The following TRPM3 variants were observed in gnomAD, a reference collection of about 807,000 sequenced individuals.
The protein encoded by TRPM3 is transient receptor potential cation channel subfamily M member 3.
In TRPM3, 77 loss-of-function variants were observed where a neutral mutation model predicts 181.2. The observed-to-expected ratio is 0.42, with a 90% CI of 0.35 to 0.51. The LOEUF is 0.51. Among genes scored for constraint, TRPM3 ranks in the 20% least tolerant of loss-of-function variants. TRPM3 has a pLI of 0.01. For synonymous variants in TRPM3, 745 were observed against 796.4 expected (o/e 0.94, Z 1.09); for missense variants, 1,759 against 2,196.7 (o/e 0.80, Z 3.98).
At chr9:70,585,275 C>A (rs2056872283) in intron 22 of TRPM3, among the ~76,000 whole-genome samples, 1 of 152,160 alleles carries the variant, frequency 6.6e-6, no homozygotes, top group Non-Finnish European at 1.5e-5. Flanking sequence ...CCCAGTTGGA[C>A]TTTTCTCTTG....
At chr9:71,343,960 A>G (rs1485065535) in intron 1 of TRPM3, among the ~76,000 whole-genome samples, 1 of 152,200 alleles carries the variant, frequency 6.6e-6, no homozygotes, top group Non-Finnish European at 1.5e-5. Context: ...GAGTATCAAA[A>G]TAAATGATAA....
chr9:70,592,416 C>T lies in TRPM3; in HGVS notation c.3049-1211G>A, dbSNP rs781320781. ...TATTTGTATCTGACGCTGAGTTCTC[C>T]GCCAGTGAAACTGATCAGAGTAAAT... On this transcript the variant is annotated intron_variant, in intron 21 of 25. Transcript: ENST00000677713. Among the ~76,000 whole-genome samples the T allele has an allele frequency of 3.9e-5, 6 of 152,252 alleles. No homozygotes were observed. The East Asian group carries it at 5.8e-4, about 15-fold the overall frequency.
At chr9:70,825,115 G>A (rs1206988156) in intron 6 of TRPM3, 2 of 152,112 alleles carry the variant, frequency 1.3e-5, no homozygotes, top group Non-Finnish European at 2.9e-5. Flanking sequence ...ATCTCAGTTT[G>A]CCCAGACTGA....
chr9:71,157,055 C>G (rs1193223767), intron 1 of TRPM3, among the ~76,000 whole-genome samples: 2 of 152,116 alleles, frequency 1.3e-5, no homozygotes, highest in African/African-American at 2.4e-5. Flanking sequence ...TGCCTCCTTC[C>G]CACACACATG....
intron 1 of TRPM3, among the ~76,000 whole-genome samples, chr9:71,163,181 T>C: frequency 6.6e-6 from 1 of 152,174 alleles, no homozygotes; most frequent in East Asian, 1.9e-4. Context: ...TGGAAGCTTT[T>C]TCCAAGGTCA....
chr9:70,906,168 C>A (rs1298689332), intron 1 of TRPM3, among the ~76,000 whole-genome samples: 1 of 151,656 alleles, frequency 6.6e-6, no homozygotes, highest in African/African-American at 2.4e-5. Context: ...ATTTTTATTT[C>A]TTTTATAAAT....
intron 1 of TRPM3, among the ~76,000 whole-genome samples, chr9:71,295,356 A>C (rs960791776): frequency 3.3e-5 from 5 of 151,516 alleles, no homozygotes; most frequent in Non-Finnish European, 7.4e-5. Flanking sequence ...CCGAATGTTG[A>C]ATATTAGAAG....
In TRPM3 at chr9:70,968,978, AG is replaced by A. The variant is rs892124047; in HGVS notation, c.178-104468del. ...CAAAGACTTCATGTCTAAAACACTAAGAGCAATGGCAACAAAAGCCAAAATT... is the reference window on the plus strand; with the variant it reads ...CAAAGACTTCATGTCTAAAACACTAAAGCAATGGCAACAAAAGCCAAAATT... On this transcript the variant is annotated intron_variant, in intron 1 of 25. Transcript: ENST00000677713. Among the ~76,000 whole-genome samples, 57 of 152,300 alleles carry A rather than the reference AG, an allele frequency of 3.7e-4. 1 individual carries two copies. Among genetic ancestry groups the A allele is most frequent in the African/African-American group, 1.2e-3 (50 of 41,576 alleles).
chr9:71,331,901 A>AGAGGAGAGG (rs2090206154), intron 1 of TRPM3, among the ~76,000 whole-genome samples: 3 of 5,170 alleles, frequency 5.8e-4, no homozygotes, highest in Non-Finnish European at 9.4e-4. Context: ...GGGAGGAAGA[A>AGAGGAGAGG]GAGGAGGAAG....
intron 1 of TRPM3, among the ~76,000 whole-genome samples, chr9:71,206,378 C>T (rs774207152): frequency 8.5e-5 from 13 of 152,110 alleles, no homozygotes; most frequent in Admixed American, 7.9e-4. Flanking sequence ...TGTTTGTTGG[C>T]CACATAAAAG....
At position 70,598,686 on chromosome 9, in the gene TRPM3, G is replaced by A; in HGVS notation, c.2797-16C>T. The stretch of plus-strand genomic sequence containing the variant: ...ACATCAGAATCTATAAGGCAGGAAG[G>A]AGAGCAGAGTTAGGTCTGGTTTCTG... On this transcript the variant is annotated splice_polypyrimidine_tract_variant and intron_variant, in intron 20 of 25. Coordinates refer to ENST00000677713, the MANE Select transcript of TRPM3 (RefSeq NM_001366145.2). 2 of 1,610,550 alleles carry A rather than the reference G, an allele frequency of 1.2e-6. No individual in the cohort carries two copies. Among genetic ancestry groups the A allele is most frequent in the Non-Finnish European group, 1.7e-6 (2 of 1,177,244 alleles).
intron 1 of TRPM3, among the ~76,000 whole-genome samples, chr9:70,970,568 G>T (rs1042297217): frequency 2.0e-5 from 3 of 152,080 alleles, no homozygotes; most frequent in African/African-American, 7.2e-5. Flanking sequence ...CCTCTCTGTG[G>T]TGGTTTCTTT....
intron 1 of TRPM3, among the ~76,000 whole-genome samples, chr9:70,882,964 A>T (rs2096019953): frequency 1.3e-5 from 2 of 152,160 alleles, no homozygotes; most frequent in African/African-American, 4.8e-5. Context: ...TACAATTTAA[A>T]CCATGGAAAC....
At chr9:71,141,640 T>C (rs2075105146) in intron 1 of TRPM3, among the ~76,000 whole-genome samples, 1 of 152,214 alleles carries the variant, frequency 6.6e-6, no homozygotes, top group African/African-American at 2.4e-5. Context: ...GTTGTCAGAA[T>C]CTGCAACAAT....
chr9:70,637,579 C>A (rs914910365), intron 11 of TRPM3, among the ~76,000 whole-genome samples: 1 of 151,932 alleles, frequency 6.6e-6, no homozygotes, highest in Admixed American at 6.6e-5. Flanking sequence ...CTGAAAGTCT[C>A]AGTATGCTGA....
In TRPM3 at chr9:71,337,066, C is replaced by G. The variant is rs535679369; in HGVS notation, c.183+109587G>C. Among the ~76,000 whole-genome samples the G allele has an allele frequency of 7.2e-5, 11 of 152,118 alleles. No homozygotes were observed. The South Asian group carries it at 2.1e-3, about 29-fold the overall frequency. On this transcript the variant is annotated intron_variant, in intron 1 of 24. Transcript: ENST00000357533. ...GGGCAAGGACTTCATGACTAAAACACGAAAAGCAATGGCAACAAAAGGCAA... is the reference window on the plus strand; with the variant it reads ...GGGCAAGGACTTCATGACTAAAACAGGAAAAGCAATGGCAACAAAAGGCAA...
At chr9:71,400,561 T>A (rs2093318678) in intron 1 of TRPM3, among the ~76,000 whole-genome samples, 1 of 152,142 alleles carries the variant, frequency 6.6e-6, no homozygotes, top group African/African-American at 2.4e-5. Flanking sequence ...AGAAGTAGAA[T>A]AGAAAGTATT....
At chr9:71,346,876 C>T (rs1040421219) in intron 1 of TRPM3, among the ~76,000 whole-genome samples, 1 of 51,226 alleles carries the variant, frequency 2.0e-5, no homozygotes, top group Non-Finnish European at 3.9e-5. Flanking sequence ...GAATCTGTTT[C>T]GTATTTTTAT....
intron 1 of TRPM3, among the ~76,000 whole-genome samples, chr9:71,139,526 G>C (rs996711970): frequency 1.3e-5 from 2 of 152,130 alleles, no homozygotes; most frequent in Admixed American, 6.5e-5. Flanking sequence ...TTGGGGTGGA[G>C]ATAATACTAA....
Sources: allele counts gnomAD v4.1 joint callset (sites outside exome capture counted in the v4.1 genomes callset), GRCh38; gene constraint gnomAD v4.1.1; transcripts MANE v1.5; gene names NCBI Gene and HGNC (gene_info 2026-07-23, HGNC 2026-07-21).